Variants in RBMS3 observed in about 807,000 individuals in gnomAD.
RBMS3 encodes the protein RNA binding motif single stranded interacting protein 3, also known as RNA-binding motif, single-stranded-interacting protein 3.
RBMS3 carries 27 observed loss-of-function variants against 66.8 expected under a neutral mutation model. The ratio of observed to expected loss-of-function variants is 0.40; its 90% CI spans 0.30 to 0.56. The LOEUF is 0.56. Among genes scored for constraint, RBMS3 ranks in the 20% least tolerant of loss-of-function variants. RBMS3 has a pLI of 0.40. For synonymous variants in RBMS3, 188 were observed against 183.0 expected (o/e 1.03, Z -0.22); for missense variants, 513 against 549.5 (o/e 0.93, Z 0.66).
rs114011892 is a variant in RBMS3, at chr3:29,344,125, C to T, written c.75+62369C>T. Among the ~76,000 whole-genome samples the T allele has an allele frequency of 4.6e-3, 706 of 152,292 alleles. 5 individuals are homozygous for T. Among genetic ancestry groups the T allele is most frequent in the African/African-American group, 0.016 (674 of 41,574 alleles). On this transcript the variant is annotated intron_variant, in intron 1 of 14. Transcript: ENST00000383767. ...TACATTTTTCTCCCTTTTCTCCTCC[C>T]TCCCTCCTTTCCTTCTTTCCTTCCT...
At chr3:29,304,177 G>C (rs2033860127) in intron 1 of RBMS3, among the ~76,000 whole-genome samples, 1 of 151,944 alleles carries the variant, frequency 6.6e-6, no homozygotes, top group African/African-American at 2.4e-5. Flanking sequence ...TAGAAAAAAA[G>C]ATCATAAAAA....
At chr3:29,476,268 G>C (rs1336105181) in intron 2 of RBMS3, among the ~76,000 whole-genome samples, 15 of 152,174 alleles carry the variant, frequency 9.9e-5, no homozygotes, top group Admixed American at 9.8e-4. Flanking sequence ...GATTGTGCAT[G>C]ACCCCATGAA....
At chr3:29,579,159 C>T (rs2047236043) in intron 3 of RBMS3, among the ~76,000 whole-genome samples, 2 of 152,184 alleles carry the variant, frequency 1.3e-5, no homozygotes, top group Non-Finnish European at 1.5e-5. Flanking sequence ...TTCTTTTCTG[C>T]TCTGAACTAT....
intron 2 of RBMS3, among the ~76,000 whole-genome samples, chr3:29,446,312 T>G (rs1269518903): frequency 6.8e-6 from 1 of 146,236 alleles, no homozygotes; most frequent in Non-Finnish European, 1.6e-5. Flanking sequence ...TTATTGTAAT[T>G]CATATTTTTA....
At chr3:29,767,473 G>T (rs1302700120) in intron 6 of RBMS3, 1 of 151,698 alleles carries the variant, frequency 6.6e-6, no homozygotes, top group Non-Finnish European at 1.5e-5. Context: ...CCACATTATG[G>T]GATCTTTAAA....
At chr3:29,968,397 T>G (rs762230798) in intron 12 of RBMS3, among the ~76,000 whole-genome samples, 4 of 152,210 alleles carry the variant, frequency 2.6e-5, no homozygotes, top group Non-Finnish European at 5.9e-5. Flanking sequence ...AAATTTCAGA[T>G]AGAGAATTCC....
chr3:29,677,585 G>A (rs1172198377), intron 4 of RBMS3, among the ~76,000 whole-genome samples: 1 of 151,896 alleles, frequency 6.6e-6, no homozygotes, highest in Non-Finnish European at 1.5e-5. Flanking sequence ...CTATTCAAAC[G>A]CTCATTGCAA....
rs1436510907 is a variant in RBMS3, at chr3:29,387,726, C to A, written c.76-47017C>A. Reference sequence around the variant, plus strand: ...GACCATCCTGGGTAACACGGTGAAACCCCGTCCCTACTAAAAAATACAAAA... The same window carrying A: ...GACCATCCTGGGTAACACGGTGAAAACCCGTCCCTACTAAAAAATACAAAA... On this transcript the variant is annotated intron_variant, in intron 1 of 14. Coordinates refer to ENST00000383767, the MANE Select transcript of RBMS3 (RefSeq NM_001003793.3). Among the ~76,000 whole-genome samples, 8 of 152,114 alleles carry A rather than the reference C, an allele frequency of 5.3e-5. No individual in the cohort carries two copies. The East Asian group carries it at 1.5e-3, about 29-fold the overall frequency.
chr3:29,502,632 G>A (rs2044019868), intron 3 of RBMS3, among the ~76,000 whole-genome samples: 1 of 152,014 alleles, frequency 6.6e-6, no homozygotes, highest in Non-Finnish European at 1.5e-5. Context: ...TGTTCCTTTT[G>A]AAAATATTTT....
intron 3 of RBMS3, among the ~76,000 whole-genome samples, chr3:29,543,068 G>T (rs937239049): frequency 6.6e-6 from 1 of 152,100 alleles, no homozygotes; most frequent in Non-Finnish European, 1.5e-5. Flanking sequence ...TAGAAAATGG[G>T]CAGAGGACAG....
chr3:29,539,225 A>G (rs1321740269), intron 3 of RBMS3, among the ~76,000 whole-genome samples: 4 of 152,244 alleles, frequency 2.6e-5, no homozygotes, highest in Admixed American at 6.5e-5. Flanking sequence ...TGTCGATGCA[A>G]AAAAATAAAG....
chr3:29,409,258 T>C (rs905344288), intron 1 of RBMS3, among the ~76,000 whole-genome samples: 21 of 152,144 alleles, frequency 1.4e-4, no homozygotes, highest in African/African-American at 4.3e-4. Context: ...GTGGTACCAA[T>C]TGGGGTTACT....
intron 1 of RBMS3, among the ~76,000 whole-genome samples, chr3:29,295,600 CAT>C (rs1052047080): frequency 3.3e-5 from 5 of 151,254 alleles, no homozygotes; most frequent in African/African-American, 4.8e-5. Flanking sequence ...AGCAATCTGA[CAT>C]ATGTTATATG....
intron 3 of RBMS3, among the ~76,000 whole-genome samples, chr3:29,506,743 A>G (rs1377170837): frequency 1.3e-5 from 2 of 151,926 alleles, no homozygotes; most frequent in African/African-American, 4.8e-5. Flanking sequence ...TTACTGTTTC[A>G]ATCTCCTTGT....
chr3:29,733,063 C>T (rs902710089), intron 4 of RBMS3, among the ~76,000 whole-genome samples: 2 of 152,062 alleles, frequency 1.3e-5, no homozygotes, highest in African/African-American at 4.8e-5. Flanking sequence ...GACTCTGAAA[C>T]ATTTAAAATA....
At chr3:29,502,344 C>T (rs1367823863) in intron 3 of RBMS3, among the ~76,000 whole-genome samples, 1 of 152,076 alleles carries the variant, frequency 6.6e-6, no homozygotes, top group Non-Finnish European at 1.5e-5. Context: ...GTCTGTCTAA[C>T]TCCCAAAGCA....
intron 4 of RBMS3, among the ~76,000 whole-genome samples, chr3:29,610,859 A>G (rs543135288): frequency 4.5e-4 from 69 of 152,082 alleles, no homozygotes; most frequent in Middle Eastern, 3.4e-3. Context: ...TTAAAATGAC[A>G]CAAGCATTAA....
chr3:29,622,874 T>C lies in RBMS3; in HGVS notation c.399+35669T>C, dbSNP rs550178592. Among the ~76,000 whole-genome samples, 6 of 152,256 alleles carry C rather than the reference T, an allele frequency of 3.9e-5. 1 individual carries two copies. In the South Asian group the frequency reaches 1.0e-3, roughly 26 times the overall value. On this transcript the variant is annotated intron_variant, in intron 4 of 14. Transcript: ENST00000383767. The stretch of plus-strand genomic sequence containing the variant: ...TGGCTCACAGCTGTAATCCCAGTTT[T>C]GGGAGGCCAAGGCGGTTGGATCACG...
intron 3 of RBMS3, among the ~76,000 whole-genome samples, chr3:29,508,183 A>AT (rs996677046): frequency 7.7e-4 from 117 of 151,968 alleles, no homozygotes; most frequent in African/African-American, 2.6e-3. Context: ...AATATAATCT[A>AT]TTTTTTCCCC....
Sources: gnomAD v4.1 joint callset for allele counts (sites outside exome capture counted in the v4.1 genomes callset) on GRCh38, gnomAD v4.1.1 for gene constraint, MANE v1.5 for transcripts, NCBI Gene and HGNC (gene_info 2026-07-23, HGNC 2026-07-21) for gene names.